Variants in SCN11A observed in about 807,000 individuals in gnomAD.
The protein encoded by SCN11A is sodium channel protein type 11 subunit alpha.
SCN11A carries 122 observed loss-of-function variants against 162.2 expected under a neutral mutation model. The ratio of observed to expected loss-of-function variants is 0.75; its 90% CI spans 0.65 to 0.87. The LOEUF (loss-of-function observed/expected upper bound fraction) is 0.87, where lower values mean the gene tolerates loss of function less well. Among genes scored for constraint, SCN11A ranks in the 40% least tolerant of loss-of-function variants. The pLI, the probability that SCN11A is intolerant of heterozygous loss-of-function variation, is 0.00. For synonymous variants in SCN11A, 758 were observed against 751.5 expected, an observed-to-expected ratio of 1.01 and a Z score of -0.14; for missense variants, 2,015 against 2,181.6, an observed-to-expected ratio of 0.92 and a Z score of 1.52.
chr3:38,924,017 G>C (rs905338735), intron 9 of SCN11A, among the ~76,000 whole-genome samples: 21 of 152,162 alleles, frequency 1.4e-4, no homozygotes, highest in Admixed American at 7.9e-4. Flanking sequence ...CACACACACT[G>C]TGCAGGGCAG....
chr3:38,878,853 A>T (rs539269568), intron 23 of SCN11A, among the ~76,000 whole-genome samples: 36 of 152,244 alleles, frequency 2.4e-4, no homozygotes, highest in African/African-American at 8.4e-4. Context: ...TCCTGACCAC[A>T]TGGTTTATGC....
At position 39,049,477 on chromosome 3, in the gene SCN11A, A is replaced by T. The variant is rs187852012; in HGVS notation, c.-404+2384T>A. 2.6e-5 allele frequency among the ~76,000 whole-genome samples: 4 copies of T among 152,338 alleles called. No individual in the cohort carries two copies. In the East Asian group the frequency reaches 7.7e-4, roughly 29 times the overall value. ...AAGCAAATCTCAATCTAGAATAAAC[A>T]TATTTTAGAGAGGACAAATAAGAAC... On this transcript the variant is annotated intron_variant, in intron 1 of 29. Transcript: ENST00000302328.
intron 24 of SCN11A, among the ~76,000 whole-genome samples, chr3:38,871,991 A>G (rs2065134868): frequency 1.3e-5 from 2 of 152,198 alleles, no homozygotes; most frequent in Admixed American, 1.3e-4. Context: ...GCTACAGCTC[A>G]TCTTGGCTGT....
intron 2 of SCN11A, among the ~76,000 whole-genome samples, chr3:39,012,627 T>A (rs1242708715): frequency 6.6e-6 from 1 of 151,940 alleles, no homozygotes; most frequent in Non-Finnish European, 1.5e-5. Context: ...ACTACAGGCA[T>A]GTGCCACCGT....
intron 19 of SCN11A, among the ~76,000 whole-genome samples, chr3:38,887,221 GA>G (rs2065415694): frequency 1.3e-5 from 2 of 152,188 alleles, no homozygotes; most frequent in South Asian, 4.2e-4. Context: ...TTCAAGAACA[GA>G]ACCTACTTCA....
At chr3:38,981,537 TTG>T (rs10578149) in intron 2 of SCN11A, among the ~76,000 whole-genome samples, 20,854 of 145,310 alleles carry the variant, frequency 0.14, 1,539 homozygotes, top group East Asian at 0.32. Flanking sequence ...GTGTGTGTGT[TTG>T]TGTGTGTGTG....
At chr3:38,994,784 G>A (rs1260195696) in intron 2 of SCN11A, among the ~76,000 whole-genome samples, 1 of 151,980 alleles carries the variant, frequency 6.6e-6, no homozygotes, top group Admixed American at 6.5e-5. Context: ...AGATCCACCT[G>A]GAGACAGATG....
At chr3:39,051,714 G>C (rs1263449174) in intron 1 of SCN11A, among the ~76,000 whole-genome samples, 147 bp downstream of exon 1, 1 of 151,970 alleles carries the variant, frequency 6.6e-6, no homozygotes, top group African/African-American at 2.4e-5. Context: ...GTTTTGCTTG[G>C]GCCTCTCGGG....
chr3:38,886,966 C>T (rs919504277), intron 19 of SCN11A, among the ~76,000 whole-genome samples: 10 of 152,102 alleles, frequency 6.6e-5, no homozygotes, highest in Admixed American at 5.9e-4. Flanking sequence ...CAAGATACAA[C>T]TTTGAGACAA....
chr3:38,987,278 T>TTCTC (rs10546388), intron 2 of SCN11A, among the ~76,000 whole-genome samples: 17 of 119,124 alleles, frequency 1.4e-4, no homozygotes, highest in Admixed American at 4.2e-4. Context: ...CCCAGTGCCT[T>TTCTC]TCTCTCTCTC....
intron 9 of SCN11A, among the ~76,000 whole-genome samples, chr3:38,922,466 T>C (rs763815015): frequency 4.6e-5 from 7 of 152,200 alleles, no homozygotes; most frequent in Non-Finnish European, 7.3e-5. Flanking sequence ...ACACCCTTAC[T>C]TCCAAAAAGC....
intron 2 of SCN11A, among the ~76,000 whole-genome samples, chr3:39,000,599 CTTAA>C (rs2030779647): frequency 6.6e-6 from 1 of 152,156 alleles, no homozygotes; most frequent in South Asian, 2.1e-4. Flanking sequence ...CCACATGCAA[CTTAA>C]TTATTTAATA....
At chr3:39,050,615 C>A (rs1366505644) in intron 1 of SCN11A, among the ~76,000 whole-genome samples, 1 of 152,092 alleles carries the variant, frequency 6.6e-6, no homozygotes, top group Non-Finnish European at 1.5e-5. Context: ...TTTGTCAAGA[C>A]AACTTTTCTA....
chr3:38,997,393 C>T (rs113490624), intron 2 of SCN11A, among the ~76,000 whole-genome samples: 12 of 152,202 alleles, frequency 7.9e-5, no homozygotes, highest in African/African-American at 2.7e-4. Context: ...TCCCTCATCT[C>T]CTTTAAGTCT....
chr3:38,898,594 C>A (rs1048673600), intron 17 of SCN11A, among the ~76,000 whole-genome samples: 1 of 152,156 alleles, frequency 6.6e-6, no homozygotes, highest in Non-Finnish European at 1.5e-5. Flanking sequence ...GACTTGTATA[C>A]TTTTTCCACA....
chr3:38,902,887 G>A lies in SCN11A; in HGVS notation c.1842+978C>T, dbSNP rs775655519. 4.6e-5 allele frequency among the ~76,000 whole-genome samples: 7 copies of A among 150,590 alleles called. No homozygotes were observed. The South Asian group carries it at 1.3e-3, about 27-fold the overall frequency. On this transcript the variant is annotated intron_variant, in intron 16 of 29. Transcript: ENST00000302328. ...AAAAAGACATCACAAAAAAAAAAATGCCAAAAAAGGAGAAAAAATAACACT... is the reference window on the plus strand; with the variant it reads ...AAAAAGACATCACAAAAAAAAAAATACCAAAAAAGGAGAAAAAATAACACT...
At chr3:38,935,422 A>G (rs2066314492) in intron 7 of SCN11A, among the ~76,000 whole-genome samples, 1 of 152,242 alleles carries the variant, frequency 6.6e-6, no homozygotes, top group Non-Finnish European at 1.5e-5. Flanking sequence ...CCTTCAAAAA[A>G]TTAATGAATC....
intron 14 of SCN11A, among the ~76,000 whole-genome samples, chr3:38,905,755 G>A (rs891785524): frequency 1.3e-5 from 2 of 152,222 alleles, no homozygotes; most frequent in Non-Finnish European, 2.9e-5. Flanking sequence ...GCTAGCTGCA[G>A]TTGTGAAGTG....
chr3:38,990,097 G>A (rs923283909), intron 2 of SCN11A, among the ~76,000 whole-genome samples: 1 of 152,212 alleles, frequency 6.6e-6, no homozygotes, highest in African/African-American at 2.4e-5. Flanking sequence ...GGGATCAGGG[G>A]AAGTGCAGAG....
Sources: gnomAD v4.1 joint callset for allele counts (sites outside exome capture counted in the v4.1 genomes callset) on GRCh38, gnomAD v4.1.1 for gene constraint, MANE v1.5 for transcripts, NCBI Gene and HGNC (gene_info 2026-07-23, HGNC 2026-07-21) for gene names.